The following DLG2 variants were observed in gnomAD, a reference collection of about 807,000 sequenced individuals.
DLG2 encodes the protein discs large MAGUK scaffold protein 2.
Under a neutral mutation model 132.5 loss-of-function variants are expected in DLG2, and 45 were observed. The ratio of observed to expected loss-of-function variants is 0.34; its 90% CI spans 0.27 to 0.44. The LOEUF (loss-of-function observed/expected upper bound fraction) is 0.44, where lower values mean the gene tolerates loss of function less well. DLG2 is among the 20% of genes least tolerant of loss of function. The probability of loss-of-function intolerance (pLI) is 1.00; values close to 1 mark genes in which losing one functional copy is unlikely to be tolerated. For synonymous variants in DLG2, 424 were observed against 419.6 expected, an observed-to-expected ratio of 1.01 and a Z score of -0.13; for missense variants, 1,045 against 1,196.9, an observed-to-expected ratio of 0.87 and a Z score of 1.87.
intron 6 of DLG2, among the ~76,000 whole-genome samples, chr11:84,599,164 G>A (rs768959828): frequency 7.2e-5 from 11 of 152,026 alleles, no homozygotes; most frequent in Non-Finnish European, 1.2e-4. Flanking sequence ...AGAATCATTC[G>A]AGCCCGGGAG....
intron 3 of DLG2, among the ~76,000 whole-genome samples, chr11:85,479,480 C>G (rs1275711596): frequency 1.3e-5 from 2 of 152,144 alleles, no homozygotes; most frequent in Non-Finnish European, 2.9e-5. Flanking sequence ...TTTGGGAAGA[C>G]ATAAACATTA....
At chr11:84,293,601 G>A (rs1014378173) in intron 7 of DLG2, among the ~76,000 whole-genome samples, 1 of 152,170 alleles carries the variant, frequency 6.6e-6, no homozygotes, top group African/African-American at 2.4e-5. Context: ...TGGAACCTGG[G>A]ATGCGGAGGT....
chr11:84,049,734 T>C (rs897439861), intron 11 of DLG2, among the ~76,000 whole-genome samples: 3 of 151,918 alleles, frequency 2.0e-5, no homozygotes, highest in African/African-American at 7.2e-5. Context: ...TATTCATCCT[T>C]TTCATGCCCT....
At chr11:85,002,346 T>C (rs1253624499) in intron 6 of DLG2, among the ~76,000 whole-genome samples, 1 of 152,094 alleles carries the variant, frequency 6.6e-6, no homozygotes, top group Non-Finnish European at 1.5e-5. Context: ...TACAACAGTC[T>C]CCTATTTAGA....
chr11:83,646,202 C>T (rs978638004), intron 18 of DLG2, among the ~76,000 whole-genome samples: 17 of 152,250 alleles, frequency 1.1e-4, no homozygotes, highest in African/African-American at 4.1e-4. Context: ...GAAAAGAACA[C>T]CTTTCAGACA....
chr11:83,805,498 G>C (rs2045665135), intron 17 of DLG2, among the ~76,000 whole-genome samples: 1 of 151,470 alleles, frequency 6.6e-6, no homozygotes, highest in African/African-American at 2.4e-5. Flanking sequence ...TTTTGATATA[G>C]CATGATATTA....
intron 4 of DLG2, among the ~76,000 whole-genome samples, chr11:85,219,608 C>A (rs2082875693): frequency 6.6e-6 from 1 of 151,472 alleles, no homozygotes; most frequent in Non-Finnish European, 1.5e-5. Flanking sequence ...CTTGGAGATG[C>A]ATCACTCTAA....
At chr11:84,856,457 G>T (rs2082804540) in intron 6 of DLG2, among the ~76,000 whole-genome samples, 1 of 151,998 alleles carries the variant, frequency 6.6e-6, no homozygotes, top group Non-Finnish European at 1.5e-5. Context: ...AGATGACTCT[G>T]CCATTTACCA....
chr11:84,744,176 A>G (rs2065056499), intron 6 of DLG2, among the ~76,000 whole-genome samples: 1 of 152,232 alleles, frequency 6.6e-6, no homozygotes, highest in African/African-American at 2.4e-5. Flanking sequence ...AACAACAACA[A>G]CAACAAGGAC....
intron 3 of DLG2, among the ~76,000 whole-genome samples, chr11:85,502,119 G>A (rs1018728364): frequency 7.2e-5 from 11 of 152,130 alleles, no homozygotes; most frequent in Middle Eastern, 3.4e-3. Context: ...TCCTTTGCAG[G>A]GACATGGATG....
At chr11:84,589,429 C>T (rs1565385890) in intron 6 of DLG2, among the ~76,000 whole-genome samples, 1 of 152,088 alleles carries the variant, frequency 6.6e-6, no homozygotes, top group Non-Finnish European at 1.5e-5. Context: ...CAGTCAGTCA[C>T]TCTAGAAGCT....
intron 4 of DLG2, among the ~76,000 whole-genome samples, chr11:85,254,109 T>C (rs957465182): frequency 1.3e-5 from 2 of 152,226 alleles, no homozygotes; most frequent in Non-Finnish European, 2.9e-5. Context: ...CTTTTTGGCT[T>C]GAGGGTGGGG....
At chr11:85,348,004 C>CA (rs1223295934) in intron 3 of DLG2, among the ~76,000 whole-genome samples, 1 of 93,518 alleles carries the variant, frequency 1.1e-5, no homozygotes, top group Non-Finnish European at 1.9e-5. Context: ...TTTTTTGAGA[C>CA]AGAGTCTCGC....
chr11:85,317,169 G>C (rs2080741830), intron 3 of DLG2, among the ~76,000 whole-genome samples: 1 of 151,962 alleles, frequency 6.6e-6, no homozygotes. Flanking sequence ...ATTTGTTTGA[G>C]GATCTGAGAG....
chr11:84,126,335 T>A (rs1023015247), intron 9 of DLG2, among the ~76,000 whole-genome samples: 6 of 152,134 alleles, frequency 3.9e-5, no homozygotes, highest in Non-Finnish European at 2.9e-5. Flanking sequence ...AGAAAATTTA[T>A]GAAGACTGTA....
intron 21 of DLG2, among the ~76,000 whole-genome samples, chr11:83,490,727 A>T (rs2093792206): frequency 1.3e-5 from 2 of 151,998 alleles, no homozygotes; most frequent in South Asian, 4.1e-4. Context: ...GAAGTACACA[A>T]CATCACTTCT....
intron 6 of DLG2, among the ~76,000 whole-genome samples, chr11:84,548,690 T>C (rs1157109590): frequency 6.6e-6 from 1 of 152,148 alleles, no homozygotes; most frequent in Non-Finnish European, 1.5e-5. Context: ...TTATTGGACA[T>C]TTGGGTTGGT....
At chr11:84,923,329 A>C in intron 6 of DLG2, 1 of 1,287,798 alleles carries the variant, frequency 7.8e-7, no homozygotes, top group South Asian at 2.4e-5. Context: ...TATATATAGC[A>C]TTATGCCCAG....
rs143065797 is a variant in DLG2 at position 83,770,255 on chromosome 11, G to GTTTTTTTTTTTTTTTTTT, written c.1825+16434_1825+16435insAAAAAAAAAAAAAAAAAA. The stretch of plus-strand genomic sequence containing the variant: ...TACCTTTTGTCTCGTGGTGTCTGGT[G>GTTTTTTTTTTTTTTTTTT]TTTTTTTTTGTTTTTTTGCTTTTTG... On this transcript the variant is annotated intron_variant, in intron 18 of 27. Coordinates refer to ENST00000376104, the MANE Select transcript of DLG2 (RefSeq NM_001142699.3). Among the ~76,000 whole-genome samples the GTTTTTTTTTTTTTTTTTT allele has an allele frequency of 4.9e-4, 54 of 109,842 alleles. 1 individual carries two copies. Among genetic ancestry groups the GTTTTTTTTTTTTTTTTTT allele is most frequent in the African/African-American group, 1.1e-3 (28 of 24,400 alleles). The allele number at this position is 109,842 out of a possible 152,430, so 72.1% of individuals were successfully genotyped here.
Sources: gnomAD v4.1 joint callset for allele counts (sites outside exome capture counted in the v4.1 genomes callset) on GRCh38, gnomAD v4.1.1 for gene constraint, MANE v1.5 for transcripts, NCBI Gene and HGNC (gene_info 2026-07-23, HGNC 2026-07-21) for gene names.